C1QTNF3: variants seen among roughly 807,000 people sequenced by gnomAD.
C1QTNF3 encodes complement C1q tumor necrosis factor-related protein 3.
C1QTNF3 carries 26 observed loss-of-function variants against 32.6 expected under a neutral mutation model. The observed-to-expected ratio is 0.80, with a 90% confidence interval of 0.58 to 1.11. The LOEUF (loss-of-function observed/expected upper bound fraction) is 1.11. C1QTNF3 is among the 50% of genes least tolerant of loss of function. The pLI is 0.00. For synonymous variants in C1QTNF3, 155 were observed against 146.0 expected (o/e 1.06, Z -0.44); for missense variants, 362 against 398.2 (o/e 0.91, Z 0.77).
intron 1 of C1QTNF3, among the ~76,000 whole-genome samples, chr5:34,040,361 GGA>G (rs1218070828): frequency 6.6e-6 from 1 of 151,956 alleles, no homozygotes; most frequent in African/African-American, 2.4e-5. Flanking sequence ...CTTCTAGGAA[GGA>G]GAGTCATAGC....
chr5:34,221,977 A>G, the C1QTNF3 span, among the ~76,000 whole-genome samples: 1 of 152,038 alleles, frequency 6.6e-6, no homozygotes, highest in Non-Finnish European at 1.5e-5. Context: ...CAGAGATGAC[A>G]TTAACAGGAA....
chr5:34,121,502 T>C, the C1QTNF3 span, among the ~76,000 whole-genome samples: 1 of 152,084 alleles, frequency 6.6e-6, no homozygotes, highest in Non-Finnish European at 1.5e-5. Context: ...CCATCAGATC[T>C]CAGAAGACTT....
At chr5:34,213,516 A>G in the C1QTNF3 span, among the ~76,000 whole-genome samples, 46 of 151,652 alleles carry the variant, frequency 3.0e-4, no homozygotes, top group African/African-American at 1.1e-3. Context: ...GAGGTTAATC[A>G]TCGCAACTTA....
At chr5:34,064,529 G>A in the C1QTNF3 span, among the ~76,000 whole-genome samples, 7 of 152,192 alleles carry the variant, frequency 4.6e-5, no homozygotes, top group Admixed American at 4.6e-4. Flanking sequence ...CAATTAGGAT[G>A]ACCCTGGACA....
chr5:34,209,557 A>G, the C1QTNF3 span, among the ~76,000 whole-genome samples: 8 of 151,534 alleles, frequency 5.3e-5, no homozygotes, highest in Admixed American at 6.6e-5. Flanking sequence ...ACTAATAGAA[A>G]ATCTTTGTCT....
chr5:34,111,250 G>A, the C1QTNF3 span, among the ~76,000 whole-genome samples: 1 of 151,972 alleles, frequency 6.6e-6, no homozygotes, highest in Non-Finnish European at 1.5e-5. Flanking sequence ...ATCTCCTACT[G>A]TGTAGGGTGA....
the C1QTNF3 span, among the ~76,000 whole-genome samples, chr5:34,114,618 CTTTT>C: frequency 1.3e-5 from 2 of 151,148 alleles, no homozygotes; most frequent in South Asian, 2.1e-4. Context: ...GATCATTTTA[CTTTT>C]TTTTTGTTTT....
the C1QTNF3 span, among the ~76,000 whole-genome samples, chr5:34,112,637 C>T: frequency 2.0e-4 from 31 of 152,208 alleles, no homozygotes; most frequent in East Asian, 4.2e-3. Context: ...CCACTGCACT[C>T]TAGCCTGAGC....
At chr5:34,111,985 G>C in the C1QTNF3 span, among the ~76,000 whole-genome samples, 1 of 152,174 alleles carries the variant, frequency 6.6e-6, no homozygotes, top group African/African-American at 2.4e-5. Flanking sequence ...TACCTGAGTT[G>C]GAGGAGAGCC....
chr5:34,147,006 T>A, the C1QTNF3 span, among the ~76,000 whole-genome samples: 1 of 152,102 alleles, frequency 6.6e-6, no homozygotes, highest in Non-Finnish European at 1.5e-5. Flanking sequence ...GCAATAGACG[T>A]TAACAGATAC....
At chr5:34,051,404 T>C in the C1QTNF3 span, among the ~76,000 whole-genome samples, 2 of 152,234 alleles carry the variant, frequency 1.3e-5, no homozygotes, top group East Asian at 1.9e-4. Flanking sequence ...TAAACATCCT[T>C]GAGGGAAATA....
chr5:34,081,423 T>C, the C1QTNF3 span, among the ~76,000 whole-genome samples: 2 of 151,856 alleles, frequency 1.3e-5, no homozygotes, highest in South Asian at 2.1e-4. Context: ...ATGACATTTT[T>C]CCTTTTATAT....
chr5:34,180,749 G>A, the C1QTNF3 span, among the ~76,000 whole-genome samples: 1 of 152,302 alleles, frequency 6.6e-6, no homozygotes, highest in East Asian at 1.9e-4. Context: ...GGCCTCCACA[G>A]AACAGACTGT....
At chr5:34,075,359 G>A in the C1QTNF3 span, among the ~76,000 whole-genome samples, 1 of 151,512 alleles carries the variant, frequency 6.6e-6, no homozygotes, top group Non-Finnish European at 1.5e-5. Flanking sequence ...AGATCCTACC[G>A]GGAAATACTG....
intron 4 of C1QTNF3, among the ~76,000 whole-genome samples, chr5:34,027,701 T>C (rs558183270): frequency 1.4e-5 from 1 of 69,014 alleles, no homozygotes; most frequent in South Asian, 3.4e-4. Context: ...AGACCCTGTC[T>C]AGAAACAAAC....
At chr5:34,178,173 T>A in the C1QTNF3 span, among the ~76,000 whole-genome samples, 1 of 147,582 alleles carries the variant, frequency 6.8e-6, no homozygotes, top group Non-Finnish European at 1.5e-5. Context: ...CCAAGCTACT[T>A]GGGAGGCTGA....
At chr5:34,058,320 G>A in the C1QTNF3 span, among the ~76,000 whole-genome samples, 1 of 152,112 alleles carries the variant, frequency 6.6e-6, no homozygotes, top group South Asian at 2.1e-4. Flanking sequence ...TCACTTGAAG[G>A]TTGCTGATTT....
chr5:34,243,762 T>C, the C1QTNF3 span, among the ~76,000 whole-genome samples: 23 of 151,282 alleles, frequency 1.5e-4, no homozygotes, highest in Admixed American at 5.9e-4. Context: ...AACCTAAACA[T>C]TGAGCACACA....
chr5:34,140,078 A>T, the C1QTNF3 span, among the ~76,000 whole-genome samples: 3 of 151,992 alleles, frequency 2.0e-5, no homozygotes, highest in South Asian at 4.1e-4. Context: ...TCACAATGGA[A>T]GCTATAGCCA....
Sources: allele counts gnomAD v4.1 joint callset (sites outside exome capture counted in the v4.1 genomes callset), GRCh38; gene constraint gnomAD v4.1.1; transcripts MANE v1.5; gene names NCBI Gene and HGNC (gene_info 2026-07-23, HGNC 2026-07-21).